Variants in SOCS2 observed in about 807,000 individuals in gnomAD.
SOCS2 encodes the protein suppressor of cytokine signaling 2, also known as CIS-2.
SOCS2 carries 10 observed loss-of-function variants against 18.6 expected under a neutral mutation model. That is an observed-to-expected ratio of 0.54 (90% CI 0.33 to 0.91). SOCS2 has a LOEUF of 0.91. Ranked by LOEUF, SOCS2 falls within the 40% of genes least tolerant of loss-of-function variation. The pLI is 0.02. For missense variants in SOCS2, 231 were observed against 247.2 expected (o/e 0.93, Z 0.44); for synonymous variants, 104 against 104.0 (o/e 1.00, Z 0.00).
rs1412537551 is a variant in SOCS2, at chr12:93,575,139, G to C, written c.557G>C (p.Arg186Thr). Residue 186 changes from arginine to threonine, a missense_variant, in exon 2 of 2, where the codon AGA becomes ACA. Physicochemically the swap from Arg to Thr is moderately conservative, Grantham distance 71. Coordinates refer to ENST00000551556, the MANE Select transcript of SOCS2 (RefSeq NM_001270471.2). Reference sequence around the variant, plus strand: ...ATCTGGGGACTGCCTTTACCAACAAGACTAAAAGATTACTTGGAAGAATAT... The same window carrying C: ...ATCTGGGGACTGCCTTTACCAACAACACTAAAAGATTACTTGGAAGAATAT... ...GAIWGLPLPT[R>T]LKDYLEEYKF... is the part of the protein sequence containing the mutation. 6.4e-7 allele frequency: 1 copy of C among 1,570,232 alleles called. No homozygotes were observed. Among genetic ancestry groups the C allele is most frequent in the Admixed American group, 2.1e-5 (1 of 48,544 alleles).
the SOCS2 span, among the ~76,000 whole-genome samples, chr12:93,592,286 A>G: frequency 2.6e-5 from 4 of 152,200 alleles, no homozygotes; most frequent in Admixed American, 6.5e-5. Flanking sequence ...CTATATATCT[A>G]TTTATATCTT....
At chr12:93,617,007 C>G in the SOCS2 span, among the ~76,000 whole-genome samples, 1 of 152,152 alleles carries the variant, frequency 6.6e-6, no homozygotes, top group African/African-American at 2.4e-5. Flanking sequence ...AGAGTCACAG[C>G]CTTAATCAAC....
the SOCS2 span, among the ~76,000 whole-genome samples, chr12:93,621,358 C>T: frequency 2.6e-5 from 4 of 152,200 alleles, no homozygotes; most frequent in South Asian, 2.1e-4. Context: ...GGATCAGAAG[C>T]TTGTACTGCA....
In SOCS2 at chr12:93,574,716, C is replaced by T; in HGVS notation, c.140-6C>T. ...TTTTCTTTTTCTTTTTGAACAAAAACCCCAGGATGGTACTGGGGAAGTATG... is the reference window on the plus strand; with the variant it reads ...TTTTCTTTTTCTTTTTGAACAAAAATCCCAGGATGGTACTGGGGAAGTATG... On this transcript the variant is annotated splice_polypyrimidine_tract_variant and splice_region_variant and intron_variant, in intron 1 of 1. Transcript: ENST00000551556. 6.3e-7 allele frequency: 1 copy of T among 1,581,028 alleles called. No individual in the cohort carries two copies. The highest frequency in any genetic ancestry group is 8.6e-7 in the Non-Finnish European group (1 of 1,165,000).
the SOCS2 span, among the ~76,000 whole-genome samples, chr12:93,619,048 G>C: frequency 6.6e-6 from 1 of 152,294 alleles, no homozygotes; most frequent in African/African-American, 2.4e-5. Flanking sequence ...ACGTGGGCAG[G>C]GTTAAGAGAA....
downstream of SOCS2, among the ~76,000 whole-genome samples, chr12:93,580,167 A>G (rs1954518994): frequency 6.6e-6 from 1 of 152,210 alleles, no homozygotes; most frequent in Non-Finnish European, 1.5e-5. Flanking sequence ...ACACAACTTC[A>G]TAAAATTTTC....
chr12:93,596,990 C>T, the SOCS2 span, among the ~76,000 whole-genome samples: 38 of 152,280 alleles, frequency 2.5e-4, no homozygotes, highest in South Asian at 7.5e-3. Context: ...TTTAAAAGAA[C>T]ACATTTTTAA....
chr12:93,583,161 T>C (rs1211487971), exon 2 of SOCS2: 1 of 151,900 alleles, frequency 6.6e-6, no homozygotes, highest in Non-Finnish European at 1.5e-5. Context: ...ATCTGGTGTA[T>C]GCCAGCCATC....
chr12:93,574,511 C>G (rs1322162583), intron 1 of SOCS2: 6 of 420,894 alleles, frequency 1.4e-5, no homozygotes, highest in African/African-American at 1.2e-4. Flanking sequence ...AACTGGCTCG[C>G]CGTTTGTGTT....
downstream of SOCS2, among the ~76,000 whole-genome samples, chr12:93,584,302 G>A (rs1378400023): frequency 6.6e-6 from 1 of 152,220 alleles, no homozygotes; most frequent in African/African-American, 2.4e-5. Flanking sequence ...TTCTCAGAGG[G>A]TCAGATAACA....
upstream of SOCS2, chr12:93,572,365 T>G (rs955012976): frequency 2.3e-5 from 7 of 307,560 alleles, no homozygotes; most frequent in African/African-American, 1.5e-4. This position sits in a 1 kb window ranked among gnomAD's most constrained non-coding sequence, Gnocchi z 5.0. Context: ...CTATTCCCAC[T>G]GGATCTGCAG....
At chr12:93,571,922 C>G (rs770208121), upstream of SOCS2, 7 of 425,020 alleles carry the variant, frequency 1.6e-5, no homozygotes, top group Admixed American at 1.8e-4. Flanking sequence ...GAGGTAAGAG[C>G]GCGGCGTTGG....
At chr12:93,580,369 C>T (rs1954521630), downstream of SOCS2, among the ~76,000 whole-genome samples, 1 of 152,112 alleles carries the variant, frequency 6.6e-6, no homozygotes. Context: ...TGCCTGCAAT[C>T]CCAGCACTTT....
intron 1 of SOCS2, 131 bp downstream of exon 1, chr12:93,573,167 G>T (rs1157007729): frequency 8.2e-7 from 1 of 1,218,334 alleles, no homozygotes; most frequent in Admixed American, 2.2e-5. Context: ...GGACCGCGGA[G>T]AGCACGCTCG....
At chr12:93,571,160 G>C (rs2136679955), upstream of SOCS2, 1 of 153,672 alleles carries the variant, frequency 6.5e-6, no homozygotes, top group South Asian at 2.0e-4. Flanking sequence ...GCGCGCCGGG[G>C]TCCCGGGTGC....
chr12:93,617,872 A>T, the SOCS2 span, among the ~76,000 whole-genome samples: 2 of 152,096 alleles, frequency 1.3e-5, no homozygotes, highest in Non-Finnish European at 2.9e-5. Context: ...CCTGGACAGG[A>T]GCAGTACCCT....
the SOCS2 span, among the ~76,000 whole-genome samples, chr12:93,618,050 A>G: frequency 6.6e-5 from 10 of 152,174 alleles, no homozygotes; most frequent in African/African-American, 2.4e-4. Context: ...CTAACCCCCT[A>G]GTGCTGATGT....
chr12:93,625,477 G>A, the SOCS2 span, among the ~76,000 whole-genome samples: 1 of 152,126 alleles, frequency 6.6e-6, no homozygotes, highest in African/African-American at 2.4e-5. Context: ...GCCGGGCGCG[G>A]TGGCTCACAT....
At chr12:93,614,413 CTTT>C in the SOCS2 span, among the ~76,000 whole-genome samples, 4 of 128,092 alleles carry the variant, frequency 3.1e-5, no homozygotes, top group South Asian at 2.6e-4. Flanking sequence ...TTCTTTCTTT[CTTT>C]CTTCCTTTCT....
Sources: gnomAD v4.1 joint callset for allele counts (sites outside exome capture counted in the v4.1 genomes callset) on GRCh38, gnomAD v4.1.1 for gene constraint, Gnocchi (gnomAD v3.1) non-coding constraint, MANE v1.5 for transcripts, NCBI Gene and HGNC (gene_info 2026-07-23, HGNC 2026-07-21) for gene names.